Variants in GABPB1 observed in about 807,000 individuals in gnomAD.
GABPB1 encodes GA-binding protein subunit beta-1.
In GABPB1, 15 loss-of-function variants were observed where a neutral mutation model predicts 45.9. That is an observed-to-expected ratio of 0.33 (90% confidence interval 0.22 to 0.50). GABPB1 has a LOEUF of 0.50. Ranked by LOEUF, GABPB1 falls within the 20% of genes least tolerant of loss-of-function variation. The pLI, the probability that GABPB1 is intolerant of heterozygous loss-of-function variation, is 0.98. For synonymous variants in GABPB1, 143 were observed against 154.4 expected, an observed-to-expected ratio of 0.93 and a Z score of 0.55; for missense variants, 252 against 457.5, an observed-to-expected ratio of 0.55 and a Z score of 4.10.
intron 1 of GABPB1, chr15:50,353,362 G>A (rs564310577): frequency 6.6e-6 from 1 of 151,814 alleles, no homozygotes; most frequent in South Asian, 2.1e-4. Context: ...GTGAAAGCAC[G>A]GTAAGAATGA....
At position 50,301,226 on chromosome 15, in the gene GABPB1, G is replaced by A. The variant is rs755064685; in HGVS notation, c.583+31C>T. On this transcript the variant is annotated intron_variant, in intron 5 of 8. Coordinates refer to ENST00000380877, the MANE Select transcript of GABPB1 (RefSeq NM_016654.5). ...TCCTATATGCATCTCAATACCTGTT[G>A]CCTTGGATGAATTTTCTGAAGATAC... 8 of 1,613,220 alleles carry A rather than the reference G, an allele frequency of 5.0e-6. No individual in the cohort carries two copies. In the Admixed American group the frequency reaches 1.0e-4, roughly 20 times the overall value.
At chr15:50,305,447 G>A (rs1296134141) in intron 2 of GABPB1, among the ~76,000 whole-genome samples, 2 of 152,264 alleles carry the variant, frequency 1.3e-5, no homozygotes, top group South Asian at 4.1e-4. Flanking sequence ...GAACTGCTGG[G>A]CTCAAGCAAT....
intron 8 of GABPB1, among the ~76,000 whole-genome samples, chr15:50,282,582 C>T (rs947872449): frequency 5.4e-5 from 4 of 74,564 alleles, no homozygotes; most frequent in Non-Finnish European, 1.0e-4. Flanking sequence ...AAAACAGAGA[C>T]GGATGTGACT....
intron 1 of GABPB1, among the ~76,000 whole-genome samples, chr15:50,332,684 T>A (rs2047986870): frequency 6.6e-6 from 1 of 152,132 alleles, no homozygotes; most frequent in Non-Finnish European, 1.5e-5. Flanking sequence ...CTGTTGAAGG[T>A]GGGTAATAAA....
At chr15:50,315,389 C>G (rs1034890635) in intron 1 of GABPB1, among the ~76,000 whole-genome samples, 2 of 152,168 alleles carry the variant, frequency 1.3e-5, no homozygotes, top group African/African-American at 4.8e-5. Context: ...ACTGCAGCCT[C>G]CCAAAGTGCT....
intron 1 of GABPB1, among the ~76,000 whole-genome samples, chr15:50,312,939 TAA>T (rs573204687): frequency 1.2e-3 from 180 of 152,286 alleles, no homozygotes; most frequent in African/African-American, 4.2e-3. Flanking sequence ...ACAAGTATTA[TAA>T]ATATCTCTGT....
Position 50,286,086 on chromosome 15 carries a change from C to T in GABPB1, c.981G>A (p.Val327=). 3 of 1,612,418 alleles carry T rather than the reference C, an allele frequency of 1.9e-6. No homozygotes were observed. Among genetic ancestry groups the T allele is most frequent in the Non-Finnish European group, 2.5e-6 (3 of 1,179,188 alleles). ...TCCTTACTTCTATTTCTGCAGATTC[C>T]ACCCGGTTTTCAATTATTTCGATAC... ...RQCIEIIENR[V]ESAEIEEREA... is the part of the protein sequence containing the mutation. Residue 327 remains valine, a synonymous_variant, in exon 8 of 9, where the codon GTG becomes GTA. Transcript: ENST00000380877.
intron 1 of GABPB1, among the ~76,000 whole-genome samples, chr15:50,340,387 A>G (rs935591522): frequency 1.3e-5 from 2 of 152,130 alleles, no homozygotes; most frequent in African/African-American, 4.8e-5. Context: ...ACTTTCATAT[A>G]GCTCAAAAGC....
intron 1 of GABPB1, among the ~76,000 whole-genome samples, chr15:50,315,130 G>C (rs2047271061): frequency 6.6e-6 from 1 of 151,982 alleles, no homozygotes; most frequent in African/African-American, 2.4e-5. Flanking sequence ...CATTAACTAT[G>C]ATTTTCTTTC....
intron 2 of GABPB1, among the ~76,000 whole-genome samples, chr15:50,304,767 A>G (rs1041252287): frequency 2.0e-5 from 3 of 152,062 alleles, no homozygotes; most frequent in African/African-American, 7.2e-5. Context: ...TTTTCTGTGT[A>G]TTAGAATGTA....
At position 50,277,939 on chromosome 15, in the gene GABPB1, T is replaced by C. The variant is rs1255147043; in HGVS notation, c.*693A>G. ...TGACCTACAGAGTAAAGGGGTTTTG[T>C]TTTTGTTTTTTTCTGGTCACTTTCA... On this transcript the variant is annotated 3_prime_UTR_variant, in exon 9 of 9. Transcript: ENST00000380877. The C allele has an allele frequency of 6.6e-6, 1 of 152,444 alleles. No homozygotes were observed. The highest frequency in any genetic ancestry group is 1.5e-5 in the Non-Finnish European group (1 of 68,030). 9.4% of individuals were successfully genotyped at this position (152,444 alleles called of 1,614,324 possible). A position where few individuals can be genotyped will look rare whatever the true frequency, so the allele number is the denominator to read the frequency against.
chr15:50,282,545 C>A, intron 8 of GABPB1, among the ~76,000 whole-genome samples: 1 of 51,260 alleles, frequency 2.0e-5, no homozygotes. Context: ...CAAAGTGAGA[C>A]CCTGCCTTAA....
intron 1 of GABPB1, chr15:50,350,369 T>G (rs2048774525): frequency 6.8e-6 from 1 of 146,270 alleles, no homozygotes; most frequent in Admixed American, 7.1e-5. Context: ...GCATCTAGTA[T>G]GCTCACAATT....
At chr15:50,332,376 T>C (rs1025423936) in intron 1 of GABPB1, among the ~76,000 whole-genome samples, 1 of 152,224 alleles carries the variant, frequency 6.6e-6, no homozygotes, top group Non-Finnish European at 1.5e-5. Context: ...TCTATAGATT[T>C]TAAAAGACAT....
At position 50,286,127 on chromosome 15, in the gene GABPB1, G is replaced by T; in HGVS notation, c.940C>A (p.Pro314Thr). Residue 314 changes from proline (P) to threonine (T), a missense_variant, in exon 8 of 9, where the codon CCA (proline) becomes ACA (threonine). Around this residue, in one of 4 missense-constraint regions of GABPB1, gnomAD observed 193 missense variants for 259.9 expected, o/e 0.74. Transcript: ENST00000380877. ...AEETVISEEP[P>T]AKRQCIEIIE... is the part of the protein sequence containing the mutation. Reference sequence around the variant, plus strand: ...ATTTCGATACATTGTCTCTTAGCTGGTGGTTCTTCACTTATAACAGTTTCT... The same window carrying T: ...ATTTCGATACATTGTCTCTTAGCTGTTGGTTCTTCACTTATAACAGTTTCT... The T allele has an allele frequency of 6.2e-7, 1 of 1,610,876 alleles. No individual in the cohort carries two copies. The highest frequency in any genetic ancestry group is 1.1e-5 in the South Asian group (1 of 90,690).
At chr15:50,295,569 T>C (rs1412507958) in intron 6 of GABPB1, among the ~76,000 whole-genome samples, 1 of 151,780 alleles carries the variant, frequency 6.6e-6, no homozygotes, top group African/African-American at 2.4e-5. Context: ...ATAAATAATG[T>C]ACTACATGGT....
At position 50,277,370 on chromosome 15, in the gene GABPB1, GT is replaced by G. The variant is rs1263833473; in HGVS notation, c.*1261del. 1 of 151,000 alleles carries G rather than the reference GT, an allele frequency of 6.6e-6. No individual in the cohort carries two copies. The highest frequency in any genetic ancestry group is 1.5e-5 in the Non-Finnish European group (1 of 67,854). The allele number at this position is 151,000 out of a possible 1,614,324, so 9.4% of individuals were successfully genotyped here. On this transcript the variant is annotated 3_prime_UTR_variant, in exon 9 of 9. Transcript: ENST00000380877. ...CCTAGAGGGATTTCAGGGTTAAACA[GT>G]TCATAAAGCAATAAAACACTGAAAA...
intron 1 of GABPB1, chr15:50,347,418 T>C (rs2048632643): frequency 6.6e-6 from 1 of 152,002 alleles, no homozygotes; most frequent in Admixed American, 6.6e-5. Context: ...TTATTAAAAA[T>C]AATAATAAAT....
At chr15:50,281,412 C>A (rs186620213) in intron 8 of GABPB1, among the ~76,000 whole-genome samples, 1 of 152,082 alleles carries the variant, frequency 6.6e-6, no homozygotes, top group Non-Finnish European at 1.5e-5. Flanking sequence ...GGGGTTTCAC[C>A]ATGTTAGCCA....
Sources: allele counts gnomAD v4.1 joint callset (sites outside exome capture counted in the v4.1 genomes callset), GRCh38; gene constraint gnomAD v4.1.1; regional missense constraint gnomAD v4.1.1; transcripts MANE v1.5; gene names NCBI Gene and HGNC (gene_info 2026-07-23, HGNC 2026-07-21).